Variants in HIVEP2 observed in about 807,000 individuals in gnomAD.
The protein encoded by HIVEP2 is transcription factor HIVEP2.
In HIVEP2, 14 loss-of-function variants were observed where a neutral mutation model predicts 180.7. That is an observed-to-expected ratio of 0.08 (90% CI 0.05 to 0.12). The LOEUF is 0.12. HIVEP2 is among the 10% of genes least tolerant of loss of function. HIVEP2 has a pLI of 1.00. For synonymous variants in HIVEP2, 1,184 were observed against 1,136.4 expected (o/e 1.04, Z -0.84); for missense variants, 2,579 against 3,008.5 (o/e 0.86, Z 3.34).
At chr6:142,759,275 C>G (rs542899634) in intron 9 of HIVEP2, among the ~76,000 whole-genome samples, 1 of 151,744 alleles carries the variant, frequency 6.6e-6, no homozygotes, top group Non-Finnish European at 1.5e-5. Context: ...TGCACTCCAG[C>G]CTGGGTGAAA....
At chr6:142,888,504 T>C (rs750818462) in intron 1 of HIVEP2, among the ~76,000 whole-genome samples, 5 of 152,210 alleles carry the variant, frequency 3.3e-5, no homozygotes, top group Non-Finnish European at 7.3e-5. Flanking sequence ...CATTTTTTCA[T>C]TTAGTAAATA....
chr6:142,755,382 C>A (rs985200730), intron 9 of HIVEP2, among the ~76,000 whole-genome samples: 3 of 152,256 alleles, frequency 2.0e-5, no homozygotes, highest in Non-Finnish European at 4.4e-5. Flanking sequence ...AAAGGCACGT[C>A]TCCTTCATCA....
At chr6:142,941,521 A>G (rs1472387346) in intron 1 of HIVEP2, among the ~76,000 whole-genome samples, 2 of 152,174 alleles carry the variant, frequency 1.3e-5, no homozygotes, top group African/African-American at 4.8e-5. Flanking sequence ...ATTTCCCTTT[A>G]ATCCTCTGTG....
intron 1 of HIVEP2, among the ~76,000 whole-genome samples, chr6:142,859,542 C>A (rs12199711): frequency 6.6e-6 from 1 of 150,860 alleles, no homozygotes; most frequent in Non-Finnish European, 1.5e-5. Context: ...AAACTTAAAA[C>A]GATAAATGAG....
At chr6:142,944,437 A>G (rs927556804) in intron 1 of HIVEP2, among the ~76,000 whole-genome samples, 1 of 144,022 alleles carries the variant, frequency 6.9e-6, no homozygotes, top group East Asian at 2.1e-4. Context: ...CCACACACAC[A>G]CACACACACG....
intron 1 of HIVEP2, among the ~76,000 whole-genome samples, chr6:142,912,161 G>A (rs1196349683): frequency 1.3e-5 from 2 of 152,182 alleles, no homozygotes; most frequent in Non-Finnish European, 2.9e-5. Context: ...TAGTTCCTCA[G>A]CTGCACGGCC....
chr6:142,795,856 T>C (rs1351685310), intron 2 of HIVEP2, among the ~76,000 whole-genome samples: 1 of 152,150 alleles, frequency 6.6e-6, no homozygotes, highest in Admixed American at 6.6e-5. Context: ...TGCTTCTCAG[T>C]GCAAGGCTGT....
At chr6:142,899,365 T>C (rs1375780833) in intron 1 of HIVEP2, among the ~76,000 whole-genome samples, 1 of 152,220 alleles carries the variant, frequency 6.6e-6, no homozygotes, top group Non-Finnish European at 1.5e-5. Context: ...TGCTTTCATG[T>C]CACAGCTAAG....
rs1411741299 is a variant in HIVEP2, at chr6:142,943,894, G to A, written c.-641+1205C>T. Among the ~76,000 whole-genome samples, 3 of 152,048 alleles carry A rather than the reference G, an allele frequency of 2.0e-5. 1 individual carries two copies. In the East Asian group the frequency reaches 5.8e-4, roughly 29 times the overall value. On this transcript the variant is annotated intron_variant, in intron 1 of 9. Coordinates refer to ENST00000367603, the MANE Select transcript of HIVEP2 (RefSeq NM_006734.4). The surrounding 1 kb of genome is among the most constrained non-coding windows in gnomAD (Gnocchi z 4.5). ...ATCAAGAGATTCCTCTGGTCTCCTC[G>A]AAGTCATCCCCAGCGCCCCCCATCC...
chr6:142,831,733 CT>C (rs1051544860), intron 2 of HIVEP2, among the ~76,000 whole-genome samples: 1 of 152,132 alleles, frequency 6.6e-6, no homozygotes, highest in African/African-American at 2.4e-5. Context: ...GTTTGTTACT[CT>C]TTTACTTTAA....
rs750661673 is a variant in HIVEP2 at position 142,772,682 on chromosome 6, C to T, written c.2057G>A (p.Ser686Asn). The T allele has an allele frequency of 8.7e-6, 14 of 1,614,228 alleles. No individual in the cohort carries two copies. The highest frequency in any genetic ancestry group is 3.3e-5 in the South Asian group (3 of 91,084). Residue 686 changes from serine (S) to asparagine (N), a missense_variant, in exon 5 of 10, where the codon AGC becomes AAC. By Grantham distance (46) the Ser-to-Asn change is conservative. Transcript: ENST00000367603. The surrounding 1 kb of genome is among the most constrained non-coding windows in gnomAD (Gnocchi z 4.9). The part of the protein sequence containing the change: ...DPVVPLQGVP[S>N]MFGTTCENRK... ...GTTTTCACAGGTAGTTCCAAACATGCTTGGTACTCCCTGCAATGGCACCAC... is the reference window on the plus strand; with the variant it reads ...GTTTTCACAGGTAGTTCCAAACATGTTTGGTACTCCCTGCAATGGCACCAC...
intron 9 of HIVEP2, among the ~76,000 whole-genome samples, 179 bp downstream of exon 9, chr6:142,759,593 C>T (rs1775168796): frequency 6.6e-6 from 1 of 152,196 alleles, no homozygotes; most frequent in Admixed American, 6.5e-5. Context: ...TTAGGTAATG[C>T]CACAGCCATG....
chr6:142,936,286 G>A (rs181675737), intron 1 of HIVEP2, among the ~76,000 whole-genome samples: 7 of 151,484 alleles, frequency 4.6e-5, no homozygotes, highest in South Asian at 2.1e-4. Flanking sequence ...TCTACGTCCC[G>A]GGTTCAGGCG....
intron 3 of HIVEP2, among the ~76,000 whole-genome samples, chr6:142,780,753 A>AG (rs1775838968): frequency 6.6e-6 from 1 of 152,154 alleles, no homozygotes; most frequent in Admixed American, 6.5e-5. Context: ...AGGGTTTGAA[A>AG]GTTTCTCTGC....
intron 2 of HIVEP2, among the ~76,000 whole-genome samples, chr6:142,793,161 T>A (rs1170680553): frequency 6.6e-6 from 1 of 152,218 alleles, no homozygotes; most frequent in East Asian, 1.9e-4. Context: ...CAAAAGTTTA[T>A]CTTTTATTCT....
rs190617929 is a variant in HIVEP2, at chr6:142,770,017, C to G, written c.4722G>C (p.Thr1574=). 1.1e-5 allele frequency: 17 copies of G among 1,613,986 alleles called. No homozygotes were observed. Among genetic ancestry groups the G allele is most frequent in the African/African-American group, 2.7e-5 (2 of 74,920 alleles). ...ESSDELDIDE[T]ASDMSMSPQS... is the part of the protein sequence containing the mutation. ...GTGGGCTCATGCTCATGTCCGATGC[C>G]GTCTCATCGATATCTAATTCATCTG... The change falls in exon 5 of 10, where the codon ACG becomes ACC. Residue 1574 remains threonine (T), a synonymous_variant. Coordinates refer to ENST00000367603, the MANE Select transcript of HIVEP2 (RefSeq NM_006734.4). This position sits in a 1 kb window ranked among gnomAD's most constrained non-coding sequence, Gnocchi z 4.7.
Position 142,773,692 on chromosome 6 carries a change from C to G in HIVEP2, c.1047G>C (p.Met349Ile). 1 of 1,614,116 alleles carries G rather than the reference C, an allele frequency of 6.2e-7. No individual in the cohort carries two copies. Residue 349 changes from methionine (M) to isoleucine (I), a missense_variant, in exon 5 of 10, where the codon ATG (methionine) becomes ATC (isoleucine). This residue lies in a region of HIVEP2 where 142 missense variants were observed against 135.2 expected (regional missense o/e 1.05). Transcript: ENST00000367603. ...TAGTATTTAAAGATGGATTTGGTAGCATATCAGGGCCAATATACTGAGAGC... is the reference window on the plus strand; with the variant it reads ...TAGTATTTAAAGATGGATTTGGTAGGATATCAGGGCCAATATACTGAGAGC... ...NESSQYIGPD[M>I]LPNPSLNTKA...
At chr6:142,933,452 A>C (rs1777984870) in intron 1 of HIVEP2, among the ~76,000 whole-genome samples, 1 of 152,248 alleles carries the variant, frequency 6.6e-6, no homozygotes, top group Non-Finnish European at 1.5e-5. Flanking sequence ...TTTTGTGATT[A>C]ATTTCAAAAT....
intron 1 of HIVEP2, among the ~76,000 whole-genome samples, chr6:142,841,395 G>C (rs1775358581): frequency 6.6e-6 from 1 of 152,034 alleles, no homozygotes; most frequent in African/African-American, 2.4e-5. Context: ...AGTATGATGT[G>C]ACTGGCATTG....
Sources: gnomAD v4.1 joint callset for allele counts (sites outside exome capture counted in the v4.1 genomes callset) on GRCh38, gnomAD v4.1.1 for gene constraint, gnomAD v4.1.1 regional missense constraint, Gnocchi (gnomAD v3.1) non-coding constraint, MANE v1.5 for transcripts, NCBI Gene and HGNC (gene_info 2026-07-23, HGNC 2026-07-21) for gene names.